The following THSD4 variants were observed in gnomAD, a reference collection of about 807,000 sequenced individuals.
THSD4 encodes the protein thrombospondin type 1 domain containing 4.
THSD4 carries 69 observed loss-of-function variants against 119.0 expected under a neutral mutation model. The ratio of observed to expected loss-of-function variants is 0.58; its 90% CI spans 0.48 to 0.71. The LOEUF (loss-of-function observed/expected upper bound fraction) is 0.71. Ranked by LOEUF, THSD4 falls within the 30% of genes least tolerant of loss-of-function variation. The probability of loss-of-function intolerance (pLI) is 0.00; values close to 1 mark genes in which losing one functional copy is unlikely to be tolerated. For synonymous variants in THSD4, 524 were observed against 540.4 expected (o/e 0.97, Z 0.42); for missense variants, 1,393 against 1,391.1 (o/e 1.00, Z -0.02).
chr15:71,570,065 G>A (rs72737286), intron 7 of THSD4, among the ~76,000 whole-genome samples: 8,544 of 152,060 alleles, frequency 0.056, 274 homozygotes, highest in South Asian at 0.12. Flanking sequence ...AAAATAAAGC[G>A]GATAAAATAT....
At chr15:71,460,327 T>G (rs2047411745) in intron 7 of THSD4, among the ~76,000 whole-genome samples, 1 of 148,852 alleles carries the variant, frequency 6.7e-6, no homozygotes, top group Non-Finnish European at 1.5e-5. Flanking sequence ...TTTTTTTTTT[T>G]GAAAGCATGC....
intron 8 of THSD4, among the ~76,000 whole-genome samples, chr15:71,706,159 A>G (rs910454307): frequency 6.6e-6 from 1 of 152,226 alleles, no homozygotes; most frequent in Admixed American, 6.5e-5. Flanking sequence ...CCTTCCGAAC[A>G]GAAGACAGTG....
chr15:71,307,201 G>A lies in THSD4; in HGVS notation c.1015+50486G>A, dbSNP rs556588192. On this transcript the variant is annotated intron_variant, in intron 6 of 17. Coordinates refer to ENST00000261862, the MANE Select transcript of THSD4 (RefSeq NM_024817.3). ...GGCTGAACACCTCCTCACTAGCCAC[G>A]TGTTAAGGCTGGCTCAGTAAATATG... Among the ~76,000 whole-genome samples, 7 of 152,252 alleles carry A rather than the reference G, an allele frequency of 4.6e-5. No individual in the cohort carries two copies. In the South Asian group the frequency reaches 6.2e-4, roughly 14 times the overall value.
intron 3 of THSD4, among the ~76,000 whole-genome samples, chr15:71,200,507 A>G (rs189320150): frequency 6.6e-6 from 1 of 152,270 alleles, no homozygotes; most frequent in Non-Finnish European, 1.5e-5. Context: ...CAAATGGGAA[A>G]CAAAGTCTGA....
chr15:71,119,070 C>T (rs1596207176), intron 1 of THSD4, among the ~76,000 whole-genome samples: 2 of 152,276 alleles, frequency 1.3e-5, no homozygotes, highest in East Asian at 3.9e-4. Context: ...TTGGGGCTTT[C>T]AGTGGTTTCT....
chr15:71,641,401 C>T (rs2050855902), intron 7 of THSD4, among the ~76,000 whole-genome samples: 1 of 151,854 alleles, frequency 6.6e-6, no homozygotes, highest in Admixed American at 6.6e-5. Context: ...TTGTTAAACC[C>T]CCCAGGTCTT....
intron 7 of THSD4, among the ~76,000 whole-genome samples, chr15:71,626,934 T>A (rs1478757137): frequency 6.6e-6 from 1 of 152,224 alleles, no homozygotes; most frequent in Non-Finnish European, 1.5e-5. Context: ...GCTCCTTGAA[T>A]GTTTGATAGA....
At chr15:71,129,735 G>A (rs1241449119) in intron 1 of THSD4, among the ~76,000 whole-genome samples, 1 of 151,748 alleles carries the variant, frequency 6.6e-6, no homozygotes, top group Non-Finnish European at 1.5e-5. Context: ...CCCTCCTTCT[G>A]TAAGGATAGA....
At chr15:71,290,700 A>G (rs2044778701) in intron 6 of THSD4, among the ~76,000 whole-genome samples, 1 of 152,234 alleles carries the variant, frequency 6.6e-6, no homozygotes, top group South Asian at 2.1e-4. Flanking sequence ...TAGTTTGCTT[A>G]TAACCCATAA....
At position 71,419,526 on chromosome 15, in the gene THSD4, G is replaced by T. The variant is rs1020712967; in HGVS notation, c.1152+7703G>T. 1.5e-4 allele frequency among the ~76,000 whole-genome samples: 16 copies of T among 107,626 alleles called. 5 individuals carry two copies. Among genetic ancestry groups the T allele is most frequent in the South Asian group, 2.9e-4 (1 of 3,462 alleles). 70.6% of individuals were successfully genotyped at this position (107,626 alleles called of 152,430 possible). A position where few individuals can be genotyped will look rare whatever the true frequency, so the allele number is the denominator to read the frequency against. Reference sequence around the variant, plus strand: ...TTATTTATCTTTTACTAATTTTGGGGTTTTTTCTTGTATTTCTAGTTCTTT... The same window carrying T: ...TTATTTATCTTTTACTAATTTTGGGTTTTTTTCTTGTATTTCTAGTTCTTT... On this transcript the variant is annotated intron_variant, in intron 7 of 17. Coordinates refer to ENST00000261862, the MANE Select transcript of THSD4 (RefSeq NM_024817.3).
intron 6 of THSD4, among the ~76,000 whole-genome samples, chr15:71,300,327 G>T (rs1439713895): frequency 1.3e-5 from 2 of 151,970 alleles, no homozygotes; most frequent in African/African-American, 4.8e-5. Context: ...ATGACCAAAG[G>T]CCCCCTTATC....
chr15:71,491,566 T>C (rs1222301044), intron 7 of THSD4, among the ~76,000 whole-genome samples: 1 of 152,186 alleles, frequency 6.6e-6, no homozygotes, highest in Non-Finnish European at 1.5e-5. Context: ...TCCCAGCCTC[T>C]AGAGCTGTAA....
At chr15:71,598,427 C>A (rs750032427) in intron 7 of THSD4, among the ~76,000 whole-genome samples, 11 of 152,022 alleles carry the variant, frequency 7.2e-5, no homozygotes, top group African/African-American at 2.7e-4. Flanking sequence ...AGGAGGTATA[C>A]GTGATATCAA....
chr15:71,354,849 C>T lies in THSD4; in HGVS notation c.1016-56838C>T, dbSNP rs74704232. 7.7e-4 allele frequency among the ~76,000 whole-genome samples: 118 copies of T among 152,274 alleles called. No homozygotes were observed. The East Asian group carries it at 0.02, about 26-fold the overall frequency. On this transcript the variant is annotated intron_variant, in intron 6 of 17. Transcript: ENST00000261862. ...GAGAGTGGTGGCCAATAAATACCTTCCATATACAAAACTCTGGTTATGCTT... is the reference window on the plus strand; with the variant it reads ...GAGAGTGGTGGCCAATAAATACCTTTCATATACAAAACTCTGGTTATGCTT...
chr15:71,524,527 T>C (rs2140795024), intron 7 of THSD4, among the ~76,000 whole-genome samples: 1 of 151,642 alleles, frequency 6.6e-6, no homozygotes, highest in East Asian at 1.9e-4. Context: ...ACTTGTAATG[T>C]CTGCCATGAG....
At chr15:71,589,372 A>G (rs903331608) in intron 7 of THSD4, among the ~76,000 whole-genome samples, 4 of 129,100 alleles carry the variant, frequency 3.1e-5, no homozygotes, top group South Asian at 5.0e-4. Context: ...TTTTTTATTT[A>G]TTGGAGACAG....
rs1005498596 is a variant in THSD4, at chr15:71,710,732, G to C, written c.1358-17817G>C. ...TTATGACCTGCAGTGAGCAGAGCAG[G>C]TCTTGAACCTAGGTATTCTCAGTGC... On this transcript the variant is annotated intron_variant, in intron 8 of 17. Transcript: ENST00000261862. Among the ~76,000 whole-genome samples the C allele has an allele frequency of 2.6e-5, 4 of 152,282 alleles. No homozygotes were observed. In the Middle Eastern group the frequency reaches 0.01, roughly 388 times the overall value.
chr15:71,295,685 A>G (rs977551902), intron 6 of THSD4, among the ~76,000 whole-genome samples: 1 of 121,844 alleles, frequency 8.2e-6, no homozygotes, highest in Admixed American at 7.6e-5. Flanking sequence ...CATTTTCTTT[A>G]AAAAAAAAAA....
chr15:71,289,374 C>G (rs1453402484), intron 6 of THSD4, among the ~76,000 whole-genome samples: 1 of 152,168 alleles, frequency 6.6e-6, no homozygotes, highest in African/African-American at 2.4e-5. Flanking sequence ...TGATCCCAGG[C>G]TCAGTTGCAC....
Sources: allele counts gnomAD v4.1 joint callset (sites outside exome capture counted in the v4.1 genomes callset), GRCh38; gene constraint gnomAD v4.1.1; transcripts MANE v1.5; gene names NCBI Gene and HGNC (gene_info 2026-07-23, HGNC 2026-07-21).